Variants in IL1RAPL2 observed in about 807,000 individuals in gnomAD.
IL1RAPL2 encodes the protein interleukin 1 receptor accessory protein like 2, also known as X-linked interleukin-1 receptor accessory protein-like 2.
IL1RAPL2 carries 3 observed loss-of-function variants against 44.1 expected under a neutral mutation model. The observed-to-expected ratio is 0.07, with a 90% CI of 0.03 to 0.18. The LOEUF (loss-of-function observed/expected upper bound fraction) is 0.18, where lower values mean the gene tolerates loss of function less well. Among genes scored for constraint, IL1RAPL2 ranks in the 10% least tolerant of loss-of-function variants. IL1RAPL2 has a pLI of 1.00. For missense variants in IL1RAPL2, 391 were observed against 496.4 expected, an observed-to-expected ratio of 0.79 and a Z score of 2.02; for synonymous variants, 181 against 178.8, an observed-to-expected ratio of 1.01 and a Z score of -0.10.
intron 5 of IL1RAPL2, chrX:105,406,085 T>G: frequency 8.3e-7 from 1 of 1,199,410 alleles, no homozygotes; most frequent in East Asian, 3.0e-5. Context: ...GGTTGTAGCA[T>G]GCATCTTTTT....
At chrX:105,488,873 A>G (rs1328177192) in intron 6 of IL1RAPL2, among the ~76,000 whole-genome samples, 2 of 112,057 alleles carry the variant, frequency 1.8e-5, no homozygotes, top group Non-Finnish European at 3.8e-5. Flanking sequence ...CAGTACAGAT[A>G]TTTTGTTATG....
chrX:105,147,637 A>C (rs1449099107), intron 2 of IL1RAPL2, among the ~76,000 whole-genome samples: 1 of 111,691 alleles, frequency 9.0e-6, no homozygotes, highest in African/African-American at 3.3e-5. Flanking sequence ...TTCAAGTTTC[A>C]TCCATGTTGT....
At chrX:105,454,894 TACA>T (rs2036044689) in intron 5 of IL1RAPL2, among the ~76,000 whole-genome samples, 1 of 105,350 alleles carries the variant, frequency 9.5e-6, no homozygotes, top group Non-Finnish European at 1.9e-5. Context: ...AAAGCCATGC[TACA>T]GTCTTAAAAA....
intron 1 of IL1RAPL2, among the ~76,000 whole-genome samples, chrX:104,575,785 T>G (rs1928233160): frequency 1.8e-5 from 2 of 111,712 alleles, no homozygotes; most frequent in Non-Finnish European, 3.8e-5. Flanking sequence ...CATATTTCCA[T>G]TTAAGGGGAT....
chrX:104,650,728 C>T lies in IL1RAPL2; in HGVS notation c.-19-8167C>T, dbSNP rs908662249. Among the ~76,000 whole-genome samples, 4 of 111,892 alleles carry T rather than the reference C, an allele frequency of 3.6e-5. No homozygotes were observed. In the Admixed American group the frequency reaches 3.8e-4, roughly 11 times the overall value. On this transcript the variant is annotated intron_variant, in intron 1 of 10. Transcript: ENST00000372582. ...GTCCTGCACTTGACTAAGTACTCTA[C>T]TATGCATGTATCGCCACAGTGAGGT... is the stretch of plus-strand genomic sequence containing the variant.
At chrX:105,618,324 G>A (rs1372833368) in intron 6 of IL1RAPL2, among the ~76,000 whole-genome samples, 1 of 110,032 alleles carries the variant, frequency 9.1e-6, no homozygotes, top group East Asian at 2.9e-4. Flanking sequence ...TAACTAATGG[G>A]CACTAGGCTT....
intron 10 of IL1RAPL2, among the ~76,000 whole-genome samples, chrX:105,757,704 C>A: frequency 9.0e-6 from 1 of 111,660 alleles, no homozygotes; most frequent in Non-Finnish European, 1.9e-5. Flanking sequence ...TTAGATGCAA[C>A]CACTGGAGGG....
At chrX:105,689,160 TG>T (rs1033710527) in intron 6 of IL1RAPL2, among the ~76,000 whole-genome samples, 1 of 111,621 alleles carries the variant, frequency 9.0e-6, no homozygotes, top group African/African-American at 3.3e-5. Context: ...GACATAGGCA[TG>T]GGGAGAACTT....
intron 5 of IL1RAPL2, among the ~76,000 whole-genome samples, chrX:105,477,238 G>A (rs978878362): frequency 9.0e-6 from 1 of 111,447 alleles, no homozygotes; most frequent in Non-Finnish European, 1.9e-5. Flanking sequence ...GGAACATTAA[G>A]GATGATATTG....
At chrX:105,338,534 C>T (rs1453130080) in intron 5 of IL1RAPL2, among the ~76,000 whole-genome samples, 1 of 111,689 alleles carries the variant, frequency 9.0e-6, no homozygotes, top group African/African-American at 3.3e-5. Context: ...TTCTCTCCTC[C>T]TCAGAGCCTG....
At chrX:104,867,335 A>G (rs1922646877) in intron 2 of IL1RAPL2, among the ~76,000 whole-genome samples, 1 of 111,276 alleles carries the variant, frequency 9.0e-6, no homozygotes, top group Non-Finnish European at 1.9e-5. Context: ...ACAAGGCGGT[A>G]GATACGATGC....
intron 2 of IL1RAPL2, among the ~76,000 whole-genome samples, chrX:105,082,792 G>A (rs752259074): frequency 1.3e-4 from 15 of 111,476 alleles, no homozygotes; most frequent in East Asian, 2.8e-4. Context: ...GACCCCATCC[G>A]AAGGTCACCA....
intron 4 of IL1RAPL2, among the ~76,000 whole-genome samples, chrX:105,243,052 T>A (rs1363936246): frequency 9.1e-6 from 1 of 110,425 alleles, no homozygotes; most frequent in Non-Finnish European, 1.9e-5. Flanking sequence ...TGAGCTGAGA[T>A]TGTGCCACTG....
intron 6 of IL1RAPL2, among the ~76,000 whole-genome samples, chrX:105,672,372 A>C (rs749124723): frequency 1.8e-5 from 2 of 112,575 alleles, no homozygotes; most frequent in African/African-American, 6.4e-5. Flanking sequence ...CTCAGCTTCC[A>C]CTGACAGCCA....
chrX:105,725,180 C>T (rs2038340309), intron 7 of IL1RAPL2, among the ~76,000 whole-genome samples: 1 of 111,630 alleles, frequency 9.0e-6, no homozygotes, highest in Non-Finnish European at 1.9e-5. Context: ...AACAGAGAGT[C>T]ATTTTCAATT....
At chrX:105,047,036 C>A (rs2031848811) in intron 2 of IL1RAPL2, among the ~76,000 whole-genome samples, 2 of 110,540 alleles carry the variant, frequency 1.8e-5, no homozygotes, top group Non-Finnish European at 3.8e-5. Context: ...AGAAAGCATC[C>A]CATATCCACA....
At chrX:105,093,777 C>T (rs770142565) in intron 2 of IL1RAPL2, among the ~76,000 whole-genome samples, 41 of 111,678 alleles carry the variant, frequency 3.7e-4, no homozygotes, top group Non-Finnish European at 1.9e-4. Context: ...GACCTTAGAG[C>T]GAGGCACACC....
intron 5 of IL1RAPL2, among the ~76,000 whole-genome samples, chrX:105,412,055 C>T (rs186911622): frequency 9.0e-6 from 1 of 111,135 alleles, no homozygotes; most frequent in East Asian, 2.8e-4. Context: ...CCTAAGTAAC[C>T]AGTGAGTCAA....
intron 2 of IL1RAPL2, among the ~76,000 whole-genome samples, chrX:104,774,624 A>T: frequency 8.9e-6 from 1 of 112,195 alleles, no homozygotes; most frequent in Non-Finnish European, 1.9e-5. Context: ...CACAAATGAT[A>T]TACCAGAGAC....
Sources: gnomAD v4.1 joint callset for allele counts (sites outside exome capture counted in the v4.1 genomes callset) on GRCh38, gnomAD v4.1.1 for gene constraint, MANE v1.5 for transcripts, NCBI Gene and HGNC (gene_info 2026-07-23, HGNC 2026-07-21) for gene names.